Variants in SLC20A2 observed in about 807,000 individuals in gnomAD.
SLC20A2 encodes the protein sodium-dependent phosphate transporter 2.
SLC20A2 carries 30 observed loss-of-function variants against 61.0 expected under a neutral mutation model. The observed-to-expected ratio is 0.49, with a 90% CI of 0.37 to 0.67. The LOEUF (loss-of-function observed/expected upper bound fraction) is 0.67, where lower values mean the gene tolerates loss of function less well. Ranked by LOEUF, SLC20A2 falls within the 30% of genes least tolerant of loss-of-function variation. SLC20A2 has a pLI of 0.00. For missense variants in SLC20A2, 626 were observed against 866.4 expected, an observed-to-expected ratio of 0.72 and a Z score of 3.48; for synonymous variants, 351 against 353.3, an observed-to-expected ratio of 0.99 and a Z score of 0.07.
At chr8:42,522,924 T>G (rs1339640406) in intron 1 of SLC20A2, among the ~76,000 whole-genome samples, 11 of 148,128 alleles carry the variant, frequency 7.4e-5, no homozygotes, top group African/African-American at 2.5e-4. Flanking sequence ...GGGGTCTCTC[T>G]GTGTTGCCCA....
intron 10 of SLC20A2, among the ~76,000 whole-genome samples, chr8:42,423,333 CT>C (rs58667229): frequency 0.18 from 26,508 of 145,746 alleles, 4,311 homozygotes; most frequent in African/African-American, 0.43. Context: ...TATCTTTAAA[CT>C]TTTTTTTTTT....
Position 42,472,037 on chromosome 8 carries a change from AAAGTACTGCAGGG to A in SLC20A2, c.289+52_289+64del. ...AAAAATCACATTTATGGATATGGGC[AAAGTACTGCAGGG>A]AAGCGGGTCAGTGGGCGGATGTCCC... On this transcript the variant is annotated intron_variant, in intron 2 of 10. Coordinates refer to ENST00000520262, the MANE Select transcript of SLC20A2 (RefSeq NM_001257180.2). The surrounding 1 kb of genome is among the most constrained non-coding windows in gnomAD (Gnocchi z 4.1). The A allele has an allele frequency of 2.8e-6, 4 of 1,453,224 alleles. No homozygotes were observed. The highest frequency in any genetic ancestry group is 3.8e-6 in the Non-Finnish European group (4 of 1,048,776). The allele number at this position is 1,453,224 out of a possible 1,614,324, so 90.0% of individuals were successfully genotyped here.
At chr8:42,433,397 C>T (rs1804012968) in intron 8 of SLC20A2, among the ~76,000 whole-genome samples, 1 of 151,994 alleles carries the variant, frequency 6.6e-6, no homozygotes, top group Admixed American at 6.6e-5. Context: ...GATCTCGGCT[C>T]ACTGCAATAT....
intron 1 of SLC20A2, among the ~76,000 whole-genome samples, chr8:42,526,308 A>G (rs2131415958): frequency 6.6e-6 from 1 of 152,202 alleles, no homozygotes; most frequent in African/African-American, 2.4e-5. Context: ...ACTGAGCAAC[A>G]TTCTACAAAA....
intron 1 of SLC20A2, among the ~76,000 whole-genome samples, chr8:42,515,348 A>T (rs1345203778): frequency 3.3e-5 from 5 of 152,138 alleles, no homozygotes; most frequent in Admixed American, 6.6e-5. Flanking sequence ...GGATATAAAA[A>T]ATTAGTTTTA....
chr8:42,438,077 A>AAAAAAAAAAAAAAAAAAAAC (rs1804474652), intron 7 of SLC20A2, among the ~76,000 whole-genome samples: 1 of 143,564 alleles, frequency 7.0e-6, no homozygotes, highest in Admixed American at 6.8e-5. Flanking sequence ...AAAAAAAAAA[A>AAAAAAAAAAAAAAAAAAAAC]AAAAAAAAAA....
chr8:42,455,725 T>C (rs1439589607), intron 5 of SLC20A2, among the ~76,000 whole-genome samples: 2 of 152,162 alleles, frequency 1.3e-5, no homozygotes, highest in African/African-American at 2.4e-5. Context: ...AGGTATTATA[T>C]GTAGTGTTTT....
chr8:42,487,367 C>T (rs1042251305), intron 1 of SLC20A2, among the ~76,000 whole-genome samples: 6 of 151,402 alleles, frequency 4.0e-5, no homozygotes, highest in Admixed American at 2.0e-4. Context: ...TTAGTAGAGA[C>T]GGGGTTTCAC....
intron 2 of SLC20A2, among the ~76,000 whole-genome samples, chr8:42,471,443 G>A (rs1199350531): frequency 1.3e-5 from 2 of 152,124 alleles, no homozygotes; most frequent in African/African-American, 4.8e-5. Context: ...CTATCACCAG[G>A]CAACACGCAC....
chr8:42,526,828 G>A (rs994580957), intron 1 of SLC20A2, among the ~76,000 whole-genome samples: 1 of 151,990 alleles, frequency 6.6e-6, no homozygotes, highest in African/African-American at 2.4e-5. Context: ...CTGGCAACAG[G>A]TGCACTGGCT....
chr8:42,475,594 A>T lies in SLC20A2; in HGVS notation c.-264-2940T>A, dbSNP rs533981781. ...CCGGCTAATTTTTTTGTATTTTTGT[A>T]GAGATGGGGTTTCACCACGTTGGCC... On this transcript the variant is annotated intron_variant, in intron 1 of 10. Coordinates refer to ENST00000520262, the MANE Select transcript of SLC20A2 (RefSeq NM_001257180.2). Among the ~76,000 whole-genome samples, 15 of 151,616 alleles carry T rather than the reference A, an allele frequency of 9.9e-5. No homozygotes were observed. The South Asian group carries it at 1.0e-3, about 11-fold the overall frequency.
chr8:42,518,512 C>T (rs1390042135), intron 1 of SLC20A2, among the ~76,000 whole-genome samples: 1 of 152,154 alleles, frequency 6.6e-6, no homozygotes, highest in Non-Finnish European at 1.5e-5. Flanking sequence ...ATCTAACAAA[C>T]CCTATGTCAT....
rs563505020 is a variant in SLC20A2 at position 42,482,329 on chromosome 8, T to C, written c.-264-9675A>G. On this transcript the variant is annotated intron_variant, in intron 1 of 10. Transcript: ENST00000520262. ...TAGGAAATATATCAGCCTCTCTTTA[T>C]CTAATTTGAGGACACAGCACAAGGA... Among the ~76,000 whole-genome samples the C allele has an allele frequency of 4.6e-5, 7 of 152,304 alleles. No homozygotes were observed. In the South Asian group the frequency reaches 1.4e-3, roughly 32 times the overall value.
chr8:42,490,387 C>A (rs1051539929), intron 1 of SLC20A2, among the ~76,000 whole-genome samples: 2 of 151,972 alleles, frequency 1.3e-5, no homozygotes, highest in Admixed American at 6.6e-5. Flanking sequence ...CACTTGAGGC[C>A]AGGAGTTCAA....
intron 1 of SLC20A2, among the ~76,000 whole-genome samples, chr8:42,494,478 C>T (rs1340081660): frequency 6.6e-6 from 1 of 152,282 alleles, no homozygotes; most frequent in Admixed American, 6.5e-5. Flanking sequence ...TATAAGCTCA[C>T]CTCCTAGAGA....
chr8:42,479,682 TG>T (rs1808411446), intron 1 of SLC20A2, among the ~76,000 whole-genome samples: 1 of 151,886 alleles, frequency 6.6e-6, no homozygotes, highest in Middle Eastern at 3.2e-3. Context: ...AAAAATTAGC[TG>T]GCATGGCAGT....
intron 2 of SLC20A2, chr8:42,471,058 G>A: frequency 4.8e-6 from 2 of 413,588 alleles, no homozygotes; most frequent in Non-Finnish European, 9.7e-6. Flanking sequence ...TAGTACACCA[G>A]CATCTTACCT....
chr8:42,445,889 A>G (rs1440305965), intron 5 of SLC20A2, among the ~76,000 whole-genome samples: 2 of 152,242 alleles, frequency 1.3e-5, no homozygotes, highest in Non-Finnish European at 2.9e-5. Flanking sequence ...CAGTAGCCCT[A>G]CTTTAAACGG....
intron 10 of SLC20A2, among the ~76,000 whole-genome samples, 187 bp downstream of exon 10, chr8:42,428,571 G>A (rs1457160859): frequency 7.2e-5 from 11 of 152,224 alleles, no homozygotes; most frequent in African/African-American, 2.7e-4. Flanking sequence ...AGATAGTGTC[G>A]TCCTGCCGAG....
Sources: allele counts gnomAD v4.1 joint callset (sites outside exome capture counted in the v4.1 genomes callset), GRCh38; gene constraint gnomAD v4.1.1; non-coding constraint Gnocchi (gnomAD v3.1); transcripts MANE v1.5; gene names NCBI Gene and HGNC (gene_info 2026-07-23, HGNC 2026-07-21).